The following CORO1B variants were observed in gnomAD, a reference collection of about 807,000 sequenced individuals.
The protein encoded by CORO1B is coronin 1B.
CORO1B carries 30 observed loss-of-function variants against 51.1 expected under a neutral mutation model. The ratio of observed to expected loss-of-function variants is 0.59; its 90% CI spans 0.44 to 0.80. CORO1B has a LOEUF of 0.80. CORO1B is among the 30% of genes least tolerant of loss of function. CORO1B has a pLI of 0.00. For missense variants in CORO1B, 648 were observed against 700.4 expected (o/e 0.93, Z 0.84); for synonymous variants, 310 against 289.7 (o/e 1.07, Z -0.71).
At chr11:67,443,559 G>A, upstream of CORO1B, 1 of 737,964 alleles carries the variant, frequency 1.4e-6, no homozygotes, top group Non-Finnish European at 1.7e-6. Context: ...GGTCACGCGC[G>A]GAGGGGCTGG....
Position 67,436,304 on chromosome 11 carries a change from C to T in CORO1B, c.*2072G>A, listed in dbSNP as rs1191851712. 1 of 1,525,000 alleles carries T rather than the reference C, an allele frequency of 6.6e-7. No individual in the cohort carries two copies. Among genetic ancestry groups the T allele is most frequent in the Admixed American group, 2.0e-5 (1 of 49,400 alleles). 94.5% of individuals were successfully genotyped at this position (1,525,000 alleles called of 1,614,324 possible). On this transcript the variant is annotated 3_prime_UTR_variant, in exon 11 of 11. Coordinates refer to ENST00000341356, the MANE Select transcript of CORO1B (RefSeq NM_020441.3). ...CGCGCTGCCACCCGAGCCCAAGGCCCCTGGCAGGGCCAGCAGCATCCCGAG... is the reference window on the plus strand; with the variant it reads ...CGCGCTGCCACCCGAGCCCAAGGCCTCTGGCAGGGCCAGCAGCATCCCGAG...
chr11:67,441,830 G>A lies in CORO1B; in HGVS notation c.357C>T (p.Ser119=), dbSNP rs1164482437. ...VWQIPENGLT[S]PLTEPVVVLE... Reference sequence around the variant, plus strand: ...GTACCACCACCGGCTCTGTCAGCGGGGAGGTCAGCCCGTTCTCTGGGATCT... The same window carrying A: ...GTACCACCACCGGCTCTGTCAGCGGAGAGGTCAGCCCGTTCTCTGGGATCT... The change falls in exon 4 of 11, where the codon TCC becomes TCT. Residue 119 remains serine, a synonymous_variant. Coordinates refer to ENST00000341356, the MANE Select transcript of CORO1B (RefSeq NM_020441.3). 3.1e-6 allele frequency: 5 copies of A among 1,613,178 alleles called. No homozygotes were observed. In the Admixed American group the frequency reaches 8.3e-5, roughly 27 times the overall value.
Position 67,437,628 on chromosome 11 carries a change from A to AG in CORO1B, c.*747dup, listed in dbSNP as rs755779738. Reference sequence around the variant, plus strand: ...GCTCCGAGGCTTACCATTGGTCCGCAGGCCCCTCCGTGCCGGGCACCCACC... The same window carrying AG: ...GCTCCGAGGCTTACCATTGGTCCGCAGGGCCCCTCCGTGCCGGGCACCCACC... On this transcript the variant is annotated 3_prime_UTR_variant, in exon 11 of 11. Coordinates refer to ENST00000341356, the MANE Select transcript of CORO1B (RefSeq NM_020441.3). 2.4e-5 allele frequency: 33 copies of AG among 1,366,136 alleles called. No homozygotes were observed. Among genetic ancestry groups the AG allele is most frequent in the Non-Finnish European group, 3.1e-5 (33 of 1,051,506 alleles). The allele number at this position is 1,366,136 out of a possible 1,614,324, so 84.6% of individuals were successfully genotyped here.
In CORO1B at chr11:67,441,403, C is replaced by T. The variant is rs776765894; in HGVS notation, c.566G>A (p.Ser189Asn). Residue 189 changes from serine to asparagine, a missense_variant, in exon 5 of 11, where the codon AGC becomes AAC. Ser to Asn is a conservative substitution (Grantham distance 46). Coordinates refer to ENST00000341356, the MANE Select transcript of CORO1B (RefSeq NM_020441.3). ...IYNVSWNHNG[S>N]LFCSACKDKS... is the part of the protein sequence containing the mutation. ...GTCCTTGCATGCTGAGCAAAACAGG[C>T]TGCCATTGTGGTTCCAGCTGACATT... 1 of 1,613,914 alleles carries T rather than the reference C, an allele frequency of 6.2e-7. No individual in the cohort carries two copies. The highest frequency in any genetic ancestry group is 8.5e-7 in the Non-Finnish European group (1 of 1,180,040).
In CORO1B at chr11:67,442,630, T is replaced by C. The variant is rs1419909955; in HGVS notation, c.-2A>G. The C allele has an allele frequency of 6.2e-7, 1 of 1,613,382 alleles. No homozygotes were observed. Among genetic ancestry groups the C allele is most frequent in the Non-Finnish European group, 8.5e-7 (1 of 1,179,932 alleles). On this transcript the variant is annotated splice_region_variant and 5_prime_UTR_variant, in exon 2 of 11. Transcript: ENST00000341356. The stretch of plus-strand genomic sequence containing the variant: ...CCGGACCACTTTGCGGAAGGACATG[T>C]CTGCGGGACAGAGAGGCCTGGGTCA...
chr11:67,435,639 G>C lies in CORO1B; in HGVS notation c.*2737C>G, dbSNP rs986269556. 1.4e-6 allele frequency: 2 copies of C among 1,474,046 alleles called. No individual in the cohort carries two copies. Among genetic ancestry groups the C allele is most frequent in the Non-Finnish European group, 1.8e-6 (2 of 1,113,440 alleles). 91.3% of individuals were successfully genotyped at this position (1,474,046 alleles called of 1,614,324 possible). ...GGGTGACAGTCTGAGGCATGGTCATGTGGGCTGGGGGTCCAGTCCAGCCAT... is the reference window on the plus strand; with the variant it reads ...GGGTGACAGTCTGAGGCATGGTCATCTGGGCTGGGGGTCCAGTCCAGCCAT... On this transcript the variant is annotated 3_prime_UTR_variant, in exon 11 of 11. Transcript: ENST00000341356.
At position 67,436,208 on chromosome 11, in the gene CORO1B, C is replaced by T; in HGVS notation, c.*2168G>A. On this transcript the variant is annotated 3_prime_UTR_variant, in exon 11 of 11. Coordinates refer to ENST00000341356, the MANE Select transcript of CORO1B (RefSeq NM_020441.3). ...GAGGCGGCGCCAGGCCAGTGCTAGG[C>T]CAGTGGCCAGCAGTAGGAGCAGCAG... 1.9e-6 allele frequency: 3 copies of T among 1,550,968 alleles called. No individual in the cohort carries two copies. The highest frequency in any genetic ancestry group is 1.7e-6 in the Non-Finnish European group (2 of 1,150,208).
At position 67,437,623 on chromosome 11, in the gene CORO1B, T is replaced by C; in HGVS notation, c.*753A>G. On this transcript the variant is annotated 3_prime_UTR_variant, in exon 11 of 11. Coordinates refer to ENST00000341356, the MANE Select transcript of CORO1B (RefSeq NM_020441.3). ...GGGGGGCTCCGAGGCTTACCATTGG[T>C]CCGCAGGCCCCTCCGTGCCGGGCAC... 1 of 1,365,126 alleles carries C rather than the reference T, an allele frequency of 7.3e-7. No homozygotes were observed. The highest frequency in any genetic ancestry group is 9.5e-7 in the Non-Finnish European group (1 of 1,050,934). 84.6% of individuals were successfully genotyped at this position (1,365,126 alleles called of 1,614,324 possible).
rs1454174653 is a variant in CORO1B at position 67,442,063 on chromosome 11, G to A, written c.227C>T (p.Pro76Leu). Residue 76 changes from proline (P) to leucine (L), a missense_variant, in exon 3 of 11, where the codon CCG becomes CTG. Transcript: ENST00000341356. ...SKTGRIDKAY[P>L]TVCGHTGPVL... ...AGGTCCCGTGTGCCCACACACCGTC[G>A]GGTAGGCCTTGTCAATGCGGCCCGT... 5 of 1,612,706 alleles carry A rather than the reference G, an allele frequency of 3.1e-6. No individual in the cohort carries two copies. The highest frequency in any genetic ancestry group is 2.2e-5 in the East Asian group (1 of 44,876).
rs1864323659 is a variant in CORO1B, at chr11:67,438,154, T to C, written c.*222A>G. On this transcript the variant is annotated 3_prime_UTR_variant, in exon 11 of 11. Transcript: ENST00000341356. ...GGGCAGTGGTCGGGGAGATGGTCCC[T>C]CAGAGGTCGAGGAGCTCGCCTGGGC... is the stretch of plus-strand genomic sequence containing the variant. 6.0e-6 allele frequency: 3 copies of C among 502,826 alleles called. No homozygotes were observed. The East Asian group carries it at 9.6e-5, about 16-fold the overall frequency. 31.1% of individuals were successfully genotyped at this position (502,826 alleles called of 1,614,324 possible).
At chr11:67,443,526 G>GGGGCTC (rs1197468016), upstream of CORO1B, 8 of 847,772 alleles carry the variant, frequency 9.4e-6, 1 homozygote, top group Admixed American at 6.3e-5. Context: ...GGGCGGGGCA[G>GGGGCTC]GGGCTCGCGG....
In CORO1B at chr11:67,436,268, A is replaced by G. The variant is rs1158504128; in HGVS notation, c.*2108T>C. On this transcript the variant is annotated 3_prime_UTR_variant, in exon 11 of 11. Transcript: ENST00000341356. The stretch of plus-strand genomic sequence containing the variant: ...GACAACGGTGACAGAGCTGGAGCCC[A>G]CGCTGTCCTCCGCGCTGCCACCCGA... 1 of 1,543,556 alleles carries G rather than the reference A, an allele frequency of 6.5e-7. No homozygotes were observed. Among genetic ancestry groups the G allele is most frequent in the African/African-American group, 1.4e-5 (1 of 73,050 alleles).
At chr11:67,439,715 G>T (rs1188852532) in intron 9 of CORO1B, 71 bp downstream of exon 9, 2 of 1,448,708 alleles carry the variant, frequency 1.4e-6, no homozygotes, top group East Asian at 2.5e-5. Context: ...CACAGGCCTC[G>T]CCCTGGTCAC....
chr11:67,436,176 C>T lies in CORO1B; in HGVS notation c.*2200G>A. 1.9e-6 allele frequency: 3 copies of T among 1,560,258 alleles called. No individual in the cohort carries two copies. Among genetic ancestry groups the T allele is most frequent in the Non-Finnish European group, 2.6e-6 (3 of 1,153,340 alleles). On this transcript the variant is annotated 3_prime_UTR_variant, in exon 11 of 11. Transcript: ENST00000341356. ...GCCGGGTGGTAGTAGCCCCCTGAGTCACGGCTGAGGCGGCGCCAGGCCAGT... is the reference window on the plus strand; with the variant it reads ...GCCGGGTGGTAGTAGCCCCCTGAGTTACGGCTGAGGCGGCGCCAGGCCAGT...
In CORO1B at chr11:67,435,920, A is replaced by G; in HGVS notation, c.*2456T>C. The G allele has an allele frequency of 6.2e-7, 1 of 1,612,980 alleles. No homozygotes were observed. The highest frequency in any genetic ancestry group is 8.5e-7 in the Non-Finnish European group (1 of 1,179,754). ...ACTGTCTCTGGCTTCCTCAGCCCGC[A>G]CGGGGACCTGCTCTGGGCTGGACGC... On this transcript the variant is annotated 3_prime_UTR_variant, in exon 11 of 11. Coordinates refer to ENST00000341356, the MANE Select transcript of CORO1B (RefSeq NM_020441.3).
In CORO1B at chr11:67,441,958, T is replaced by C. The variant is rs1212881160; in HGVS notation, c.324+8A>G. The C allele has an allele frequency of 2.5e-6, 4 of 1,612,998 alleles. No homozygotes were observed. The highest frequency in any genetic ancestry group is 1.7e-5 in the Admixed American group (1 of 59,996). On this transcript the variant is annotated splice_region_variant and intron_variant, in intron 3 of 10. Coordinates refer to ENST00000341356, the MANE Select transcript of CORO1B (RefSeq NM_020441.3). Reference sequence around the variant, plus strand: ...CACGACCCTGGCCCAGCCAGTCCTGTGCCTCACCATGACCGTGCAGTCCTC... The same window carrying C: ...CACGACCCTGGCCCAGCCAGTCCTGCGCCTCACCATGACCGTGCAGTCCTC...
At chr11:67,442,947 G>C (rs1326703944) in intron 1 of CORO1B, among the ~76,000 whole-genome samples, 1 of 152,182 alleles carries the variant, frequency 6.6e-6, no homozygotes, top group Non-Finnish European at 1.5e-5. Context: ...GGGTTGGAGA[G>C]CTCTCAGCTC....
chr11:67,441,044 G>T, intron 6 of CORO1B, 81 bp downstream of exon 6: 1 of 1,599,594 alleles, frequency 6.3e-7, no homozygotes. Context: ...GGAACCACAG[G>T]CCTCCCCAGG....
chr11:67,441,885 G>T (rs778205713), intron 3 of CORO1B, 23 bp from the exon 4 acceptor site: 10 of 1,612,990 alleles, frequency 6.2e-6, no homozygotes, highest in Non-Finnish European at 6.8e-6. Context: ...CAGGGCCACC[G>T]AGCTCAGTCC....
Sources: allele counts gnomAD v4.1 joint callset (sites outside exome capture counted in the v4.1 genomes callset), GRCh38; gene constraint gnomAD v4.1.1; transcripts MANE v1.5; gene names NCBI Gene and HGNC (gene_info 2026-07-23, HGNC 2026-07-21).